The following USP37 variants were observed in gnomAD, a reference collection of about 807,000 sequenced individuals.
The protein encoded by USP37 is ubiquitin carboxyl-terminal hydrolase 37.
A neutral mutation model predicts 124.0 loss-of-function variants in USP37; 27 were observed. The ratio of observed to expected loss-of-function variants is 0.22; its 90% CI spans 0.16 to 0.30. The LOEUF is 0.30. Among genes scored for constraint, USP37 ranks in the 10% least tolerant of loss-of-function variants. USP37 has a pLI of 1.00. For synonymous variants in USP37, 365 were observed against 388.0 expected, an observed-to-expected ratio of 0.94 and a Z score of 0.70; for missense variants, 889 against 1,140.4, an observed-to-expected ratio of 0.78 and a Z score of 3.17.
chr2:218,524,220 A>G (rs982195130), intron 10 of USP37, among the ~76,000 whole-genome samples: 1 of 152,084 alleles, frequency 6.6e-6, no homozygotes, highest in Non-Finnish European at 1.5e-5. Flanking sequence ...TTCTCTTCTC[A>G]TATTGCTGTT....
intron 6 of USP37, among the ~76,000 whole-genome samples, chr2:218,547,651 G>C (rs1692433390): frequency 1.3e-5 from 2 of 150,140 alleles, no homozygotes; most frequent in Non-Finnish European, 3.0e-5. Context: ...ACTGATCTTT[G>C]GAGGAAAAAA....
chr2:218,543,928 C>T (rs1019849130), intron 8 of USP37, among the ~76,000 whole-genome samples: 2 of 152,134 alleles, frequency 1.3e-5, no homozygotes, highest in Non-Finnish European at 2.9e-5. Context: ...GCTTTTGATT[C>T]TCAAACTGAG....
In USP37 at chr2:218,452,710, G is replaced by A. The variant is rs1158021261; in HGVS notation, c.*2220C>T. 6.6e-6 allele frequency: 1 copy of A among 152,190 alleles called. No individual in the cohort carries two copies. The highest frequency in any genetic ancestry group is 6.5e-5 in the Admixed American group (1 of 15,272). The allele number at this position is 152,190 out of a possible 1,614,324, so 9.4% of individuals were successfully genotyped here. A position where few individuals can be genotyped will look rare whatever the true frequency, so the allele number is the denominator to read the frequency against. On this transcript the variant is annotated 3_prime_UTR_variant, in exon 26 of 26. Coordinates refer to ENST00000258399, the MANE Select transcript of USP37 (RefSeq NM_020935.3). The stretch of plus-strand genomic sequence containing the variant: ...AAAGCTATGAAAGCAATTCAAATGA[G>A]GCTGCTTCATGAGGCAATCTAGACT...
intron 14 of USP37, among the ~76,000 whole-genome samples, chr2:218,489,622 G>C (rs1350260901): frequency 1.3e-5 from 2 of 151,800 alleles, no homozygotes; most frequent in Non-Finnish European, 2.9e-5. Context: ...TGGGATTACA[G>C]GTGCACACCA....
intron 8 of USP37, among the ~76,000 whole-genome samples, chr2:218,539,679 C>A (rs1212097164): frequency 6.6e-6 from 1 of 151,600 alleles, no homozygotes. Flanking sequence ...TGTGTCACTG[C>A]ACTCCAGCCC....
chr2:218,454,674 C>A lies in USP37; in HGVS notation c.*256G>T. On this transcript the variant is annotated 3_prime_UTR_variant, in exon 26 of 26. Coordinates refer to ENST00000258399, the MANE Select transcript of USP37 (RefSeq NM_020935.3). ...CACATACACAGATATATATTTACAA[C>A]ATGTATTCCTAAGACAAAAGAAGTG... The A allele has an allele frequency of 3.9e-6, 2 of 507,774 alleles. No individual in the cohort carries two copies. The highest frequency in any genetic ancestry group is 6.7e-6 in the Non-Finnish European group (2 of 298,266). 31.5% of individuals were successfully genotyped at this position (507,774 alleles called of 1,614,324 possible).
At chr2:218,460,207 G>T (rs1037816502) in intron 22 of USP37, among the ~76,000 whole-genome samples, 3 of 151,110 alleles carry the variant, frequency 2.0e-5, no homozygotes, top group African/African-American at 7.3e-5. Context: ...GCAATGACCT[G>T]AGATTGCACC....
At chr2:218,503,768 T>C (rs1378371085) in intron 11 of USP37, among the ~76,000 whole-genome samples, 3 of 151,616 alleles carry the variant, frequency 2.0e-5, no homozygotes, top group Non-Finnish European at 4.4e-5. Context: ...ACAGTATAAA[T>C]GATGTGGGGT....
chr2:218,532,557 AG>A (rs1353534939), intron 9 of USP37, among the ~76,000 whole-genome samples: 1 of 152,090 alleles, frequency 6.6e-6, no homozygotes, highest in Non-Finnish European at 1.5e-5. Flanking sequence ...ACAACACAGA[AG>A]ACCCTCCACC....
At chr2:218,551,480 T>C (rs771616704) in intron 5 of USP37, among the ~76,000 whole-genome samples, 4 of 152,254 alleles carry the variant, frequency 2.6e-5, no homozygotes, top group Non-Finnish European at 4.4e-5. Context: ...TGTTAGAGAT[T>C]AGGAAATTAA....
At chr2:218,561,461 C>G (rs1160345294) in intron 2 of USP37, among the ~76,000 whole-genome samples, 1 of 152,082 alleles carries the variant, frequency 6.6e-6, no homozygotes, top group East Asian at 1.9e-4. Flanking sequence ...AGTTTGAGAC[C>G]AGCCTGGCCA....
intron 5 of USP37, among the ~76,000 whole-genome samples, chr2:218,551,862 G>T (rs9784006): frequency 6.6e-6 from 1 of 151,308 alleles, no homozygotes; most frequent in African/African-American, 2.4e-5. Flanking sequence ...GCGCAATCTC[G>T]GCTCACTGTA....
chr2:218,459,201 A>C (rs1689870313), intron 23 of USP37, among the ~76,000 whole-genome samples: 1 of 152,014 alleles, frequency 6.6e-6, no homozygotes, highest in Admixed American at 6.6e-5. Context: ...GTGTAACTAA[A>C]GGTAATTTTT....
At chr2:218,511,791 T>C (rs867680128) in intron 10 of USP37, among the ~76,000 whole-genome samples, 3 of 23,878 alleles carry the variant, frequency 1.3e-4, no homozygotes, top group African/African-American at 4.1e-4. Context: ...TTTATCAATT[T>C]TTTCTTTTCT....
intron 18 of USP37, among the ~76,000 whole-genome samples, chr2:218,478,147 G>T (rs1691072536): frequency 6.6e-6 from 1 of 152,128 alleles, no homozygotes; most frequent in African/African-American, 2.4e-5. Context: ...TGGAAATCAG[G>T]AAGATTACAT....
intron 18 of USP37, 145 bp from the exon 19 acceptor site, chr2:218,477,126 G>A: frequency 1.0e-6 from 1 of 980,176 alleles, no homozygotes; most frequent in Non-Finnish European, 1.4e-6. Flanking sequence ...GTATATTTCA[G>A]CATTACCTTT....
intron 22 of USP37, among the ~76,000 whole-genome samples, chr2:218,461,165 A>G (rs992588565): frequency 6.6e-6 from 1 of 152,194 alleles, no homozygotes; most frequent in Non-Finnish European, 1.5e-5. Flanking sequence ...TTAATATATA[A>G]TTAGCTCCAC....
intron 11 of USP37, among the ~76,000 whole-genome samples, chr2:218,506,451 T>C (rs935275813): frequency 1.7e-4 from 26 of 150,714 alleles, no homozygotes; most frequent in African/African-American, 5.9e-4. Context: ...CCACCATGCC[T>C]GGCTAATTTT....
chr2:218,491,572 A>G (rs1395062049), intron 14 of USP37, among the ~76,000 whole-genome samples: 1 of 152,190 alleles, frequency 6.6e-6, no homozygotes, highest in Non-Finnish European at 1.5e-5. Flanking sequence ...TTTTAAGCTA[A>G]TATGTTTGAA....
Sources: gnomAD v4.1 joint callset for allele counts (sites outside exome capture counted in the v4.1 genomes callset) on GRCh38, gnomAD v4.1.1 for gene constraint, MANE v1.5 for transcripts, NCBI Gene and HGNC (gene_info 2026-07-23, HGNC 2026-07-21) for gene names.